MYLK4: variants seen among roughly 807,000 people sequenced by gnomAD.
MYLK4 encodes the protein caMLCK like.
In MYLK4, 46 loss-of-function variants were observed where a neutral mutation model predicts 48.1. That is an observed-to-expected ratio of 0.96 (90% CI 0.75 to 1.22). The LOEUF (loss-of-function observed/expected upper bound fraction) is 1.22. Among genes scored for constraint, MYLK4 ranks in the 50% most tolerant of loss-of-function variants. The pLI is 0.00. For missense variants in MYLK4, 451 were observed against 486.1 expected (o/e 0.93, Z 0.68); for synonymous variants, 170 against 180.8 (o/e 0.94, Z 0.48).
At chr6:2,725,645 A>AAG (rs1157158358) in intron 2 of MYLK4, among the ~76,000 whole-genome samples, 1 of 139,140 alleles carries the variant, frequency 7.2e-6, no homozygotes, top group Non-Finnish European at 1.6e-5. Flanking sequence ...GAAAGAAGGA[A>AAG]AGAGAGAGAG....
At chr6:2,767,903 A>C in the MYLK4 span, among the ~76,000 whole-genome samples, 3 of 152,248 alleles carry the variant, frequency 2.0e-5, no homozygotes, top group Admixed American at 6.5e-5. Flanking sequence ...TGAAAGAAGC[A>C]GCCACAGAAT....
Position 2,716,199 on chromosome 6 carries a change from G to A in MYLK4, c.160-23340C>T, listed in dbSNP as rs1461829256. On this transcript the variant is annotated intron_variant, in intron 2 of 12. Transcript: ENST00000274643. ...AAAGGATTTGAGGTTACTACCATGT[G>A]GTCAGGACAACTATTTTTATGGACA... 3.3e-5 allele frequency among the ~76,000 whole-genome samples: 5 copies of A among 152,112 alleles called. No homozygotes were observed. The East Asian group carries it at 7.7e-4, about 23-fold the overall frequency.
At chr6:2,746,071 T>C (rs931207562) in intron 2 of MYLK4, among the ~76,000 whole-genome samples, 1 of 151,076 alleles carries the variant, frequency 6.6e-6, no homozygotes, top group Admixed American at 6.6e-5. Context: ...ACCAATGTGG[T>C]GAAACCCCGT....
At position 2,671,352 on chromosome 6, in the gene MYLK4, G is replaced by C. The variant is rs1412933590; in HGVS notation, c.1120-4C>G. ...CAGAGCCACGATTCTTCTTCTTCTA[G>C]GGAAAGCAGAAGGCATATGGGAAGG... On this transcript the variant is annotated splice_region_variant and splice_polypyrimidine_tract_variant and intron_variant, in intron 11 of 12. Transcript: ENST00000274643. The C allele has an allele frequency of 6.2e-7, 1 of 1,613,766 alleles. No individual in the cohort carries two copies. Among genetic ancestry groups the C allele is most frequent in the South Asian group, 1.1e-5 (1 of 91,026 alleles).
intron 4 of MYLK4, among the ~76,000 whole-genome samples, chr6:2,686,778 C>T (rs1050284665): frequency 1.3e-5 from 2 of 152,216 alleles, no homozygotes; most frequent in African/African-American, 4.8e-5. Context: ...AACGTAGCCA[C>T]GGCGTGACTT....
At chr6:2,696,812 A>T (rs11964161) in intron 2 of MYLK4, among the ~76,000 whole-genome samples, 3,689 of 152,284 alleles carry the variant, frequency 0.024, 146 homozygotes, top group African/African-American at 0.085. Context: ...CTGTAATCTC[A>T]ACACTTTGGG....
At chr6:2,727,556 C>T (rs1251665709) in intron 2 of MYLK4, among the ~76,000 whole-genome samples, 1 of 152,110 alleles carries the variant, frequency 6.6e-6, no homozygotes, top group Non-Finnish European at 1.5e-5. Context: ...ACAAACCGCT[C>T]GAGGTTGCAT....
At chr6:2,731,350 A>G (rs1258616006) in intron 2 of MYLK4, among the ~76,000 whole-genome samples, 1 of 152,166 alleles carries the variant, frequency 6.6e-6, no homozygotes, top group Non-Finnish European at 1.5e-5. Context: ...GGGCTGGATA[A>G]GGGGCCCCAG....
the MYLK4 span, among the ~76,000 whole-genome samples, chr6:2,762,156 C>T: frequency 7.2e-5 from 11 of 152,114 alleles, no homozygotes; most frequent in African/African-American, 2.2e-4. Flanking sequence ...GTGATTCGCC[C>T]GCCTCAGCCT....
the MYLK4 span, among the ~76,000 whole-genome samples, chr6:2,762,221 A>G: frequency 1.3e-5 from 2 of 151,946 alleles, no homozygotes; most frequent in Non-Finnish European, 2.9e-5. Flanking sequence ...CTTAATTTTT[A>G]CTCCCATAGT....
At chr6:2,705,191 G>T (rs1488945216) in intron 2 of MYLK4, among the ~76,000 whole-genome samples, 1 of 152,056 alleles carries the variant, frequency 6.6e-6, no homozygotes, top group East Asian at 1.9e-4. Flanking sequence ...AGTGTTTTTA[G>T]TTCTTCCCCA....
In MYLK4 at chr6:2,680,267, G is replaced by T; in HGVS notation, c.712C>A (p.Arg238=). ...LKPENILCVN[R]DAKQIKIIDF... ...ATAATTTTTATTTGCTTAGCATCCC[G>T]ATTCACACACAGGATATTCTCAGGC... is the stretch of plus-strand genomic sequence containing the variant. The change falls in exon 8 of 13, where the codon CGG becomes AGG. Residue 238 remains arginine, a synonymous_variant. Transcript: ENST00000274643. The T allele has an allele frequency of 6.2e-7, 1 of 1,614,034 alleles. No homozygotes were observed. Among genetic ancestry groups the T allele is most frequent in the Non-Finnish European group, 8.5e-7 (1 of 1,180,024 alleles).
intron 2 of MYLK4, among the ~76,000 whole-genome samples, chr6:2,742,411 A>T (rs1763927415): frequency 6.6e-6 from 1 of 152,022 alleles, no homozygotes; most frequent in Admixed American, 6.5e-5. Context: ...ATAAAGACAC[A>T]TGCACACGTA....
chr6:2,766,102 G>T, the MYLK4 span: 2 of 1,316,872 alleles, frequency 1.5e-6, no homozygotes, highest in Non-Finnish European at 1.9e-6. Context: ...GGGACGAGGC[G>T]GAGGCGCAGG....
chr6:2,718,671 T>G (rs1019590088), intron 2 of MYLK4, among the ~76,000 whole-genome samples: 2 of 152,238 alleles, frequency 1.3e-5, no homozygotes, highest in African/African-American at 4.8e-5. Context: ...TAATATTTAA[T>G]CCACCAGGCA....
chr6:2,696,340 C>T (rs73350428), intron 2 of MYLK4, among the ~76,000 whole-genome samples: 4,299 of 152,248 alleles, frequency 0.028, 186 homozygotes, highest in African/African-American at 0.098. Flanking sequence ...GTATCCCCCC[C>T]GACGATATAC....
chr6:2,748,005 C>T (rs1394486831), intron 2 of MYLK4, among the ~76,000 whole-genome samples: 1 of 152,178 alleles, frequency 6.6e-6, no homozygotes, highest in African/African-American at 2.4e-5. Context: ...ATTTCTTATT[C>T]ACTTACAATA....
intron 2 of MYLK4, among the ~76,000 whole-genome samples, chr6:2,699,252 T>C (rs1216645401): frequency 6.7e-6 from 1 of 149,294 alleles, no homozygotes; most frequent in African/African-American, 2.5e-5. Flanking sequence ...AGCTGTATCA[T>C]AAGAGAAAGC....
the MYLK4 span, among the ~76,000 whole-genome samples, chr6:2,757,696 C>T: frequency 4.2e-4 from 64 of 151,656 alleles, no homozygotes; most frequent in African/African-American, 1.4e-3. Flanking sequence ...GCAATAGGAT[C>T]TGAATTTTAA....
Sources: allele counts gnomAD v4.1 joint callset (sites outside exome capture counted in the v4.1 genomes callset), GRCh38; gene constraint gnomAD v4.1.1; transcripts MANE v1.5; gene names NCBI Gene and HGNC (gene_info 2026-07-23, HGNC 2026-07-21).